TCF12: variants seen among roughly 807,000 people sequenced by gnomAD.
The protein encoded by TCF12 is transcription factor 12, also known as DNA-binding protein HTF4.
TCF12 carries 45 observed loss-of-function variants against 86.0 expected under a neutral mutation model. The ratio of observed to expected loss-of-function variants is 0.52; its 90% CI spans 0.41 to 0.67. TCF12 has a LOEUF of 0.67. TCF12 is among the 30% of genes least tolerant of loss of function. The pLI, the probability that TCF12 is intolerant of heterozygous loss-of-function variation, is 0.00. For missense variants in TCF12, 881 were observed against 859.9 expected (o/e 1.02, Z -0.31); for synonymous variants, 330 against 299.6 (o/e 1.10, Z -1.05).
chr15:56,990,251 G>A (rs1232512301), intron 3 of TCF12, among the ~76,000 whole-genome samples: 9 of 132,932 alleles, frequency 6.8e-5, no homozygotes, highest in South Asian at 2.2e-4. Flanking sequence ...CTGTGTGTGC[G>A]TGTGCGTGTG....
Position 57,091,788 on chromosome 15 carries a change from G to A in TCF12, c.223-1G>A, listed in dbSNP as rs1372636587. 1 of 1,612,586 alleles carries A rather than the reference G, an allele frequency of 6.2e-7. No individual in the cohort carries two copies. Among genetic ancestry groups the A allele is most frequent in the Non-Finnish European group, 8.5e-7 (1 of 1,178,990 alleles). On this transcript the variant is annotated splice_acceptor_variant, in intron 4 of 20. Transcript: ENST00000333725. LOFTEE classifies it high-confidence loss of function. The stretch of plus-strand genomic sequence containing the variant: ...ATACTCTGATCTTTTTCTCCCCCTA[G>A]GGTTTTACAGACAGCCCTCATTACA...
intron 5 of TCF12, among the ~76,000 whole-genome samples, chr15:57,113,461 C>T (rs1387887041): frequency 6.6e-6 from 1 of 152,176 alleles, no homozygotes; most frequent in Non-Finnish European, 1.5e-5. Context: ...GTATCTTCTA[C>T]AATATGCCTG....
intron 6 of TCF12, among the ~76,000 whole-genome samples, chr15:57,175,555 T>G (rs996581429): frequency 6.6e-5 from 10 of 152,204 alleles, no homozygotes; most frequent in Non-Finnish European, 1.0e-4. Context: ...GCCAACAGGA[T>G]TAATTAAAAC....
chr15:57,224,667 T>G (rs2058783125), intron 8 of TCF12, among the ~76,000 whole-genome samples: 1 of 152,168 alleles, frequency 6.6e-6, no homozygotes, highest in African/African-American at 2.4e-5. Flanking sequence ...AACATGTCTC[T>G]GGAAGTTTTT....
At chr15:56,952,902 A>G (rs533940346) in intron 3 of TCF12, among the ~76,000 whole-genome samples, 29 of 150,886 alleles carry the variant, frequency 1.9e-4, no homozygotes, top group Non-Finnish European at 3.0e-4. Flanking sequence ...AATTTTAAAT[A>G]GTGGTGAGAA....
chr15:57,064,659 G>A (rs1348714727), intron 4 of TCF12, among the ~76,000 whole-genome samples: 2 of 151,812 alleles, frequency 1.3e-5, no homozygotes, highest in African/African-American at 2.4e-5. Context: ...GCCAAGGCGT[G>A]GGGGTGGGCA....
chr15:56,919,306 C>T (rs928247592), intron 1 of TCF12: 3 of 152,274 alleles, frequency 2.0e-5, no homozygotes, highest in Non-Finnish European at 4.4e-5. Context: ...GACTAGTTGT[C>T]GGGGTTTCTG....
At chr15:56,984,493 T>G (rs1441163709) in intron 3 of TCF12, among the ~76,000 whole-genome samples, 3 of 152,146 alleles carry the variant, frequency 2.0e-5, no homozygotes, top group Non-Finnish European at 2.9e-5. Context: ...GATAAAAGCT[T>G]GAAATTCCAA....
Position 57,084,436 on chromosome 15 carries a change from T to C in TCF12, c.223-7353T>C, listed in dbSNP as rs75959559. On this transcript the variant is annotated intron_variant, in intron 4 of 20. Transcript: ENST00000333725. ...AGAAATAATAGGGCTAATACTGTTT[T>C]ACAATGTACCGGGTCCTGTGACTTA... Among the ~76,000 whole-genome samples, 219 of 152,322 alleles carry C rather than the reference T, an allele frequency of 1.4e-3. 1 individual carries two copies. Among genetic ancestry groups the C allele is most frequent in the African/African-American group, 5.0e-3 (209 of 41,570 alleles).
At chr15:57,183,449 C>T (rs2056480909) in intron 6 of TCF12, among the ~76,000 whole-genome samples, 1 of 152,174 alleles carries the variant, frequency 6.6e-6, no homozygotes, top group Admixed American at 6.5e-5. Flanking sequence ...TGTCAATCCT[C>T]TCTAGGGATC....
chr15:57,273,696 G>T (rs374890398), intron 19 of TCF12, among the ~76,000 whole-genome samples: 3 of 152,172 alleles, frequency 2.0e-5, no homozygotes, highest in East Asian at 1.9e-4. Flanking sequence ...TTAATAGGAT[G>T]CCTTGTTATC....
intron 3 of TCF12, among the ~76,000 whole-genome samples, chr15:56,931,103 A>G (rs892836369): frequency 1.3e-5 from 2 of 151,722 alleles, no homozygotes; most frequent in African/African-American, 4.8e-5. Context: ...ATTGTTTTCA[A>G]CTCACAGTAA....
chr15:56,991,743 C>A (rs1181863734), intron 3 of TCF12, among the ~76,000 whole-genome samples: 1 of 152,092 alleles, frequency 6.6e-6, no homozygotes, highest in Non-Finnish European at 1.5e-5. Flanking sequence ...TTAATTCCTT[C>A]CAAATACTCT....
rs553777935 is a variant in TCF12, at chr15:56,929,777, A to G, written c.148+8679A>G. ...TTTCCCTTAAAAAACCACTACTACC[A>G]TAACTTACTGTATTTTGGTTATTAA... On this transcript the variant is annotated intron_variant, in intron 3 of 20. Transcript: ENST00000333725. Among the ~76,000 whole-genome samples the G allele has an allele frequency of 1.6e-3, 242 of 152,300 alleles. 1 individual carries two copies. The highest frequency in any genetic ancestry group is 5.6e-3 in the African/African-American group (232 of 41,562).
At chr15:57,137,361 A>G (rs1380507318) in intron 5 of TCF12, among the ~76,000 whole-genome samples, 2 of 152,230 alleles carry the variant, frequency 1.3e-5, no homozygotes, top group African/African-American at 4.8e-5. Context: ...AAATACTGTA[A>G]TTTACAAAGG....
intron 3 of TCF12, among the ~76,000 whole-genome samples, chr15:57,041,342 T>C (rs1596264033): frequency 6.6e-6 from 1 of 152,232 alleles, no homozygotes; most frequent in African/African-American, 2.4e-5. Flanking sequence ...TTGAACCAAA[T>C]AGTTCTTTCT....
chr15:57,077,948 T>G (rs1428769565), intron 4 of TCF12, among the ~76,000 whole-genome samples: 1 of 152,110 alleles, frequency 6.6e-6, no homozygotes, highest in Non-Finnish European at 1.5e-5. Flanking sequence ...GTCTCGTCTA[T>G]GAGATGGGGG....
intron 5 of TCF12, among the ~76,000 whole-genome samples, chr15:57,102,342 A>T (rs2151179129): frequency 6.6e-6 from 1 of 152,344 alleles, no homozygotes; most frequent in African/African-American, 2.4e-5. Flanking sequence ...TCACACCTGT[A>T]ATCCCAGCAC....
At chr15:57,231,997 A>G (rs1162020719) in intron 9 of TCF12, among the ~76,000 whole-genome samples, 1 of 152,198 alleles carries the variant, frequency 6.6e-6, no homozygotes, top group Non-Finnish European at 1.5e-5. Flanking sequence ...AATCTAGCCT[A>G]TTCCCAAATT....
Sources: gnomAD v4.1 joint callset for allele counts (sites outside exome capture counted in the v4.1 genomes callset) on GRCh38, gnomAD v4.1.1 for gene constraint, MANE v1.5 for transcripts, NCBI Gene and HGNC (gene_info 2026-07-23, HGNC 2026-07-21) for gene names.